ABCA4: variants seen among roughly 807,000 people sequenced by gnomAD.
ABCA4 encodes the protein retinal-specific phospholipid-transporting ATPase ABCA4.
In ABCA4, 196 loss-of-function variants were observed where a neutral mutation model predicts 263.7. The ratio of observed to expected loss-of-function variants is 0.74; its 90% confidence interval spans 0.66 to 0.84. The LOEUF is 0.84. Ranked by LOEUF, ABCA4 falls within the 40% of genes least tolerant of loss-of-function variation. The pLI is 0.00. For missense variants in ABCA4, 2,792 were observed against 2,855.1 expected (o/e 0.98, Z 0.50); for synonymous variants, 1,133 against 1,094.2 (o/e 1.04, Z -0.70).
chr1:94,051,794 C>T, intron 16 of ABCA4, 96 bp from the exon 17 acceptor site: 2 of 923,668 alleles, frequency 2.2e-6, no homozygotes, highest in Admixed American at 3.8e-5. Flanking sequence ...TTACCTGAAC[C>T]TCAAATTGTA....
chr1:93,993,365 G>T, intron 49 of ABCA4, 123 bp from the exon 50 acceptor site: 2 of 1,269,484 alleles, frequency 1.6e-6, no homozygotes, highest in Non-Finnish European at 1.1e-6. Flanking sequence ...TGAGGGCACT[G>T]TGATTCTGTC....
chr1:93,996,214 C>A lies in ABCA4; in HGVS notation c.6730-19G>T. 6.3e-7 allele frequency: 1 copy of A among 1,582,198 alleles called. No homozygotes were observed. Among genetic ancestry groups the A allele is most frequent in the Non-Finnish European group, 8.7e-7 (1 of 1,152,714 alleles). On this transcript the variant is annotated intron_variant, in intron 48 of 49. Transcript: ENST00000370225. ...CAAACACCTAGAGGTAAGAGAAGAG[C>A]GAGATTAGGTAGATATTTCCAGGAA...
Position 94,040,080 on chromosome 1 carries a change from G to A in ABCA4, c.3570C>T (p.Ala1190=), listed in dbSNP as rs1204410489. ...GTTCTGGAGTTAGGTCATCGACGTG[G>A]GCTGGACACGTGGTGGAGAAACCCT... ...SSKGFSTTCP[A]HVDDLTPEQV... is the part of the protein sequence containing the mutation. Residue 1190 remains alanine, a synonymous_variant, in exon 24 of 50, where the codon GCC becomes GCT. Coordinates refer to ENST00000370225, the MANE Select transcript of ABCA4 (RefSeq NM_000350.3). 6.2e-7 allele frequency: 1 copy of A among 1,610,056 alleles called. No homozygotes were observed. The highest frequency in any genetic ancestry group is 1.1e-5 in the South Asian group (1 of 89,916).
rs1660487011 is a variant in ABCA4 at position 94,041,512 on chromosome 1, CT to C, written c.3329-111del. On this transcript the variant is annotated intron_variant, in intron 22 of 49. Transcript: ENST00000370225. ...TATAGTTGCAAAAATCAGGAGTTAA[CT>C]AAAAAAAAAAACCCAAGGGAACTAA... is the stretch of plus-strand genomic sequence containing the variant. 11 of 1,111,358 alleles carry C rather than the reference CT, an allele frequency of 9.9e-6. No individual in the cohort carries two copies. In the Admixed American group the frequency reaches 2.4e-4, roughly 24 times the overall value. 68.8% of individuals were successfully genotyped at this position (1,111,358 alleles called of 1,614,324 possible).
chr1:94,061,012 T>C (rs940645924), intron 13 of ABCA4, among the ~76,000 whole-genome samples: 2 of 152,178 alleles, frequency 1.3e-5, no homozygotes, highest in Non-Finnish European at 2.9e-5. Flanking sequence ...AAGTAAAATG[T>C]GTCAATAAAA....
chr1:94,046,957 T>A lies in ABCA4; in HGVS notation c.2880A>T (p.Ala960=). ...TCCCAGCTCCATTGTGGCCCAGGAA[T>A]GCGGTGATCTGGTTCTCGTAGAAGG... is the stretch of plus-strand genomic sequence containing the variant. The part of the protein sequence containing the change: ...NITFYENQIT[A]FLGHNGAGKT... Residue 960 remains alanine, a synonymous_variant, in exon 19 of 50, where the codon GCA becomes GCT. Transcript: ENST00000370225. The A allele has an allele frequency of 1.2e-6, 2 of 1,614,136 alleles. No homozygotes were observed. Among genetic ancestry groups the A allele is most frequent in the Non-Finnish European group, 1.7e-6 (2 of 1,180,032 alleles).
intron 47 of ABCA4, among the ~76,000 whole-genome samples, chr1:93,999,269 C>T (rs1364563640): frequency 6.6e-6 from 1 of 152,216 alleles, no homozygotes; most frequent in African/African-American, 2.4e-5. Flanking sequence ...TGGTCTCGAA[C>T]TCCTGACCTC....
At chr1:94,054,961 T>G in intron 16 of ABCA4, 150 bp downstream of exon 16, 2 of 818,182 alleles carry the variant, frequency 2.4e-6, no homozygotes, top group Non-Finnish European at 4.0e-6. Flanking sequence ...CCAGTAGGAT[T>G]TGCTGGTGGA....
Position 94,037,345 on chromosome 1 carries a change from C to T in ABCA4, c.3613G>A (p.Val1205Ile), listed in dbSNP as rs1570367456. Residue 1205 changes from valine (V) to isoleucine (I), a missense_variant, in exon 25 of 50, where the codon GTA (valine) becomes ATA (isoleucine). Val to Ile is a conservative substitution (Grantham distance 29, BLOSUM62 3). Transcript: ENST00000370225. ...AGAACTACATCCATCAGCTCATTTA[C>T]ATCCCCTAGGACAAGAAAAAAGACT... ...LTPEQVLDGD[V>I]NELMDVVLHH... 4 of 1,614,092 alleles carry T rather than the reference C, an allele frequency of 2.5e-6. No homozygotes were observed. The highest frequency in any genetic ancestry group is 2.2e-5 in the East Asian group (1 of 44,886).
chr1:94,055,047 G>A, intron 16 of ABCA4, 64 bp downstream of exon 16: 1 of 1,439,158 alleles, frequency 6.9e-7, no homozygotes, highest in Non-Finnish European at 9.8e-7. Context: ...TAAACTAGAT[G>A]AATGGAGAGG....
At chr1:94,043,244 C>T (rs1203162564) in intron 21 of ABCA4, 92 bp downstream of exon 21, 6 of 1,573,330 alleles carry the variant, frequency 3.8e-6, no homozygotes, top group Non-Finnish European at 4.3e-6. Context: ...CCCTTAGAAG[C>T]TCTCCTGCTC....
At position 94,010,904 on chromosome 1, in the gene ABCA4, G is replaced by T. The variant is rs886046560; in HGVS notation, c.5610C>A (p.Phe1870Leu). The change falls in exon 40 of 50, where the codon TTC becomes TTA. Residue 1870 changes from phenylalanine to leucine, a missense_variant. Physicochemically the swap from Phe to Leu is conservative, Grantham distance 22. Coordinates refer to ENST00000370225, the MANE Select transcript of ABCA4 (RefSeq NM_000350.3). ...GGTTCTTCCCAATCAGGTCCCAGTG[G>T]AACGGATTTGCAGAGTGCTCCTCAC... ...RFGEEHSANPFHWDLIGKNLF... is the reference protein window; with the variant it reads ...RFGEEHSANPLHWDLIGKNLF... 1 of 1,614,152 alleles carries T rather than the reference G, an allele frequency of 6.2e-7. No individual in the cohort carries two copies. The highest frequency in any genetic ancestry group is 8.5e-7 in the Non-Finnish European group (1 of 1,180,024).
At chr1:94,013,824 C>G (rs1328801878) in intron 38 of ABCA4, among the ~76,000 whole-genome samples, 1 of 152,236 alleles carries the variant, frequency 6.6e-6, no homozygotes, top group South Asian at 2.1e-4. Flanking sequence ...CAGAGTGTTA[C>G]AATTTCCATA....
intron 31 of ABCA4, 148 bp from the exon 32 acceptor site, chr1:94,023,566 C>A: frequency 1.4e-6 from 1 of 727,478 alleles, no homozygotes; most frequent in Non-Finnish European, 2.5e-6. Flanking sequence ...GCGGAAGCCG[C>A]CCAGCCCTGG....
At chr1:94,002,102 A>G (rs1028080877) in intron 44 of ABCA4, 110 bp from the exon 45 acceptor site, 1 of 1,536,650 alleles carries the variant, frequency 6.5e-7, no homozygotes, top group Non-Finnish European at 8.9e-7. Context: ...TGAAATCCCC[A>G]GCTAGGCTGA....
At chr1:94,081,376 G>A (rs1038596478) in intron 7 of ABCA4, among the ~76,000 whole-genome samples, 1 of 152,110 alleles carries the variant, frequency 6.6e-6, no homozygotes, top group Non-Finnish European at 1.5e-5. Context: ...CAGTTCTTGG[G>A]TTCTGTTGTC....
At chr1:94,074,487 T>C (rs560565980) in intron 11 of ABCA4, among the ~76,000 whole-genome samples, 2 of 152,214 alleles carry the variant, frequency 1.3e-5, no homozygotes, top group South Asian at 2.1e-4. Context: ...CAAAAGCAAT[T>C]GCAACAAAAG....
intron 23 of ABCA4, 86 bp from the exon 24 acceptor site, chr1:94,040,213 CTTTA>C (rs1660452332): frequency 1.8e-6 from 2 of 1,096,444 alleles, no homozygotes; most frequent in Middle Eastern, 2.0e-4. Context: ...TCACCGCCCG[CTTTA>C]TTTATTTCTC....
At chr1:94,044,486 A>G in intron 20 of ABCA4, 127 bp downstream of exon 20, 1 of 1,432,718 alleles carries the variant, frequency 7.0e-7, no homozygotes, top group Non-Finnish European at 9.7e-7. Flanking sequence ...CATAGGGGAA[A>G]CCAAATAAGA....
Sources: gnomAD v4.1 joint callset for allele counts (sites outside exome capture counted in the v4.1 genomes callset) on GRCh38, gnomAD v4.1.1 for gene constraint, MANE v1.5 for transcripts, NCBI Gene and HGNC (gene_info 2026-07-23, HGNC 2026-07-21) for gene names.